Variants in PLCL1 observed in about 807,000 individuals in gnomAD.
PLCL1 encodes inactive phospholipase C-like protein 1.
PLCL1 carries 41 observed loss-of-function variants against 84.4 expected under a neutral mutation model. The observed-to-expected ratio is 0.49, with a 90% CI of 0.38 to 0.63. The LOEUF is 0.63. Among genes scored for constraint, PLCL1 ranks in the 30% least tolerant of loss-of-function variants. The pLI is 0.00. For synonymous variants in PLCL1, 490 were observed against 488.3 expected, an observed-to-expected ratio of 1.00 and a Z score of -0.05; for missense variants, 1,206 against 1,367.8, an observed-to-expected ratio of 0.88 and a Z score of 1.87.
In PLCL1 at chr2:197,896,983, A is replaced by G. The variant is rs147109964; in HGVS notation, c.240+91644A>G. ...CTAAATTTGAGATTTGGGGTTTATGACAGACATGTCATTTTCATTAGAAAA... is the reference window on the plus strand; with the variant it reads ...CTAAATTTGAGATTTGGGGTTTATGGCAGACATGTCATTTTCATTAGAAAA... On this transcript the variant is annotated intron_variant, in intron 1 of 5. Transcript: ENST00000428675. 2.5e-3 allele frequency among the ~76,000 whole-genome samples: 375 copies of G among 152,322 alleles called. 1 individual carries two copies. The highest frequency in any genetic ancestry group is 8.7e-3 in the African/African-American group (361 of 41,552).
chr2:197,873,325 T>C (rs1368554794), intron 1 of PLCL1, among the ~76,000 whole-genome samples: 2 of 152,020 alleles, frequency 1.3e-5, no homozygotes, highest in Non-Finnish European at 2.9e-5. Context: ...GGTGGTTGCA[T>C]AGGTTACAGA....
At chr2:197,854,788 C>T (rs1447333389) in intron 1 of PLCL1, among the ~76,000 whole-genome samples, 1 of 152,066 alleles carries the variant, frequency 6.6e-6, no homozygotes, top group Non-Finnish European at 1.5e-5. Context: ...TCAGGAGTTG[C>T]CTGAATTAAT....
rs1272895816 is a variant in PLCL1 at position 198,147,180 on chromosome 2, C to T, written c.*218C>T. 1 of 398,524 alleles carries T rather than the reference C, an allele frequency of 2.5e-6. No homozygotes were observed. The highest frequency in any genetic ancestry group is 4.5e-6 in the Non-Finnish European group (1 of 221,170). The allele number at this position is 398,524 out of a possible 1,614,324, so 24.7% of individuals were successfully genotyped here. A position where few individuals can be genotyped will look rare whatever the true frequency, so the allele number is the denominator to read the frequency against. On this transcript the variant is annotated 3_prime_UTR_variant, in exon 6 of 6. Coordinates refer to ENST00000428675, the MANE Select transcript of PLCL1 (RefSeq NM_006226.4). ...TAAATTCTGAGACATGTGTCAACAC[C>T]CCTGTGTGGATGCCTGTGGAAGAGT...
intron 3 of PLCL1, among the ~76,000 whole-genome samples, chr2:198,098,344 T>C (rs1693251376): frequency 6.6e-6 from 1 of 152,212 alleles, no homozygotes; most frequent in Non-Finnish European, 1.5e-5. Flanking sequence ...TCATGATTGA[T>C]GCATGTTGTG....
intron 1 of PLCL1, among the ~76,000 whole-genome samples, chr2:197,838,673 G>C (rs1180286933): frequency 2.0e-5 from 3 of 152,180 alleles, no homozygotes; most frequent in Admixed American, 6.5e-5. Context: ...TATCACAAAG[G>C]ATTGAAATTT....
At chr2:198,047,575 T>C (rs745726435) in intron 1 of PLCL1, among the ~76,000 whole-genome samples, 3 of 152,074 alleles carry the variant, frequency 2.0e-5, no homozygotes, top group Non-Finnish European at 4.4e-5. Flanking sequence ...AGGACCTAGG[T>C]AGGGAGGCTT....
At chr2:197,943,184 G>GT (rs1689195590) in intron 1 of PLCL1, among the ~76,000 whole-genome samples, 1 of 127,644 alleles carries the variant, frequency 7.8e-6, no homozygotes, top group Non-Finnish European at 1.6e-5. Flanking sequence ...GTGACAGAGT[G>GT]AGACCCTCTC....
intron 1 of PLCL1, among the ~76,000 whole-genome samples, chr2:198,078,522 A>C (rs1367357815): frequency 6.6e-6 from 1 of 152,114 alleles, no homozygotes; most frequent in Non-Finnish European, 1.5e-5. Flanking sequence ...TAATCTATTA[A>C]ATTTTTATTA....
At chr2:198,129,545 C>G (rs1694072072) in intron 5 of PLCL1, among the ~76,000 whole-genome samples, 1 of 152,146 alleles carries the variant, frequency 6.6e-6, no homozygotes, top group Admixed American at 6.6e-5. Flanking sequence ...TTTAAAATAT[C>G]AAACTGTAAC....
chr2:197,810,393 C>G, intron 1 of PLCL1: 1 of 550,250 alleles, frequency 1.8e-6, no homozygotes, highest in Non-Finnish European at 2.9e-6. Context: ...CTACTATTAT[C>G]AGAATTTACA....
intron 5 of PLCL1, among the ~76,000 whole-genome samples, chr2:198,125,418 C>A (rs1693961409): frequency 6.6e-6 from 1 of 151,542 alleles, no homozygotes; most frequent in Admixed American, 6.6e-5. Flanking sequence ...ATAAAATAAA[C>A]AACATGTGGT....
chr2:197,955,671 G>A (rs1168125545), intron 1 of PLCL1, among the ~76,000 whole-genome samples: 2 of 151,780 alleles, frequency 1.3e-5, no homozygotes, highest in African/African-American at 2.4e-5. Context: ...AGTTTGCTGA[G>A]GATGATGGCT....
At chr2:197,931,141 G>A (rs1688923433) in intron 1 of PLCL1, among the ~76,000 whole-genome samples, 1 of 151,996 alleles carries the variant, frequency 6.6e-6, no homozygotes, top group South Asian at 2.1e-4. Flanking sequence ...ACCTTGATTG[G>A]GAAAAGAAAC....
At chr2:198,136,529 A>G (rs1271363668) in intron 5 of PLCL1, among the ~76,000 whole-genome samples, 1 of 151,640 alleles carries the variant, frequency 6.6e-6, no homozygotes, top group African/African-American at 2.4e-5. Flanking sequence ...TTGTTATTCT[A>G]AGAGAGAAAT....
chr2:197,957,563 C>T (rs1314250408), intron 1 of PLCL1, among the ~76,000 whole-genome samples: 1 of 151,914 alleles, frequency 6.6e-6, no homozygotes, highest in Admixed American at 6.6e-5. Flanking sequence ...AAGTTGTGAC[C>T]ATTGGCATTC....
chr2:198,087,357 T>TA (rs147644298), intron 2 of PLCL1, among the ~76,000 whole-genome samples: 5 of 152,054 alleles, frequency 3.3e-5, no homozygotes, highest in Admixed American at 1.3e-4. Flanking sequence ...GTGGTAAACT[T>TA]AAAAAAAATT....
intron 1 of PLCL1, among the ~76,000 whole-genome samples, chr2:197,997,448 A>G (rs112881725): frequency 0.034 from 5,248 of 152,310 alleles, 304 homozygotes; most frequent in African/African-American, 0.12. Flanking sequence ...CTATGTTATC[A>G]TAACCTGCAG....
At chr2:198,032,334 T>C (rs1284535660) in intron 1 of PLCL1, among the ~76,000 whole-genome samples, 1 of 149,476 alleles carries the variant, frequency 6.7e-6, no homozygotes, top group Non-Finnish European at 1.5e-5. Flanking sequence ...ATGAGAATAA[T>C]AAAAAAAAAA....
chr2:197,851,215 A>G (rs1340082967), intron 1 of PLCL1, among the ~76,000 whole-genome samples: 1 of 152,204 alleles, frequency 6.6e-6, no homozygotes, highest in Non-Finnish European at 1.5e-5. Flanking sequence ...CAGCGGAAAA[A>G]CTTTTTTCCT....
Sources: allele counts gnomAD v4.1 joint callset (sites outside exome capture counted in the v4.1 genomes callset), GRCh38; gene constraint gnomAD v4.1.1; transcripts MANE v1.5; gene names NCBI Gene and HGNC (gene_info 2026-07-23, HGNC 2026-07-21).